The following PRPF8 variants were observed in gnomAD, a reference collection of about 807,000 sequenced individuals.
PRPF8 encodes the protein pre-mRNA-processing-splicing factor 8.
PRPF8 carries 64 observed loss-of-function variants against 285.9 expected under a neutral mutation model. The ratio of observed to expected loss-of-function variants is 0.22; its 90% CI spans 0.18 to 0.28. The LOEUF (loss-of-function observed/expected upper bound fraction) is 0.28, where lower values mean the gene tolerates loss of function less well. Ranked by LOEUF, PRPF8 falls within the 10% of genes least tolerant of loss-of-function variation. The probability of loss-of-function intolerance (pLI) is 1.00; values close to 1 mark genes in which losing one functional copy is unlikely to be tolerated. For missense variants in PRPF8, 1,426 were observed against 3,026.7 expected (o/e 0.47, Z 12.41); for synonymous variants, 1,325 against 1,118.2 (o/e 1.18, Z -3.69).
intron 24 of PRPF8, among the ~76,000 whole-genome samples, chr17:1,669,498 C>T (rs963059526): frequency 6.6e-6 from 1 of 152,200 alleles, no homozygotes; most frequent in Admixed American, 6.5e-5. Flanking sequence ...CCTGCACTGA[C>T]TTACAGCTCC....
In PRPF8 at chr17:1,678,975, G is replaced by A. The variant is rs201392497; in HGVS notation, c.1599+42C>T. On this transcript the variant is annotated intron_variant, in intron 11 of 42. Transcript: ENST00000304992. ...AGTAACCAGAGGAAAACAACTGTCC[G>A]TCCTTGAAGCCCAGGAGGCCCCTAG... 2.9e-4 allele frequency: 474 copies of A among 1,613,672 alleles called. 1 individual carries two copies. The highest frequency in any genetic ancestry group is 2.5e-3 in the East Asian group (112 of 44,894).
chr17:1,658,512 C>T lies in PRPF8; in HGVS notation c.5376+14G>A. 6.2e-7 allele frequency: 1 copy of T among 1,612,078 alleles called. No homozygotes were observed. Among genetic ancestry groups the T allele is most frequent in the Non-Finnish European group, 8.5e-7 (1 of 1,178,146 alleles). On this transcript the variant is annotated intron_variant, in intron 33 of 42. Coordinates refer to ENST00000304992, the MANE Select transcript of PRPF8 (RefSeq NM_006445.4). The surrounding 1 kb of genome is among the most constrained non-coding windows in gnomAD (Gnocchi z 4.1). ...TACAGAGTCCCGCACCTATACACTG[C>T]TGCTAACACTCACCTTGTGAATAGT... is the stretch of plus-strand genomic sequence containing the variant.
At position 1,683,773 on chromosome 17, in the gene PRPF8, A is replaced by G; in HGVS notation, c.101-72T>C. ...CCTCTTCACCTCTTGCCCTAGGGTA[A>G]GCTCCTGTCAGTGAGTGTGAGGGAG... On this transcript the variant is annotated intron_variant, in intron 2 of 42. Coordinates refer to ENST00000304992, the MANE Select transcript of PRPF8 (RefSeq NM_006445.4). The G allele has an allele frequency of 1.9e-6, 3 of 1,577,150 alleles. No homozygotes were observed. In the South Asian group the frequency reaches 3.4e-5, roughly 18 times the overall value.
chr17:1,664,233 A>G (rs139709463), intron 24 of PRPF8, among the ~76,000 whole-genome samples: 256 of 152,074 alleles, frequency 1.7e-3, no homozygotes, highest in African/African-American at 5.8e-3. Flanking sequence ...GGGTTTCGCT[A>G]TGTTGCCCAG....
In PRPF8 at chr17:1,676,413, C is replaced by T; in HGVS notation, c.2389-43G>A. ...AATTAGCCTCCCGCTACAGCCCGAT[C>T]CTGCCAGAACAAGGTTCAGTCACAA... is the stretch of plus-strand genomic sequence containing the variant. On this transcript the variant is annotated intron_variant, in intron 16 of 42. Coordinates refer to ENST00000304992, the MANE Select transcript of PRPF8 (RefSeq NM_006445.4). This position sits in a 1 kb window ranked among gnomAD's most constrained non-coding sequence, Gnocchi z 6.3. 6.2e-7 allele frequency: 1 copy of T among 1,614,104 alleles called. No homozygotes were observed. Among genetic ancestry groups the T allele is most frequent in the African/African-American group, 1.3e-5 (1 of 75,038 alleles).
intron 24 of PRPF8, among the ~76,000 whole-genome samples, chr17:1,668,430 C>T (rs1329118096): frequency 9.0e-5 from 13 of 145,222 alleles, no homozygotes; most frequent in African/African-American, 3.1e-4. Flanking sequence ...GTCGCGATCT[C>T]GGTTCACTGC....
At position 1,661,087 on chromosome 17, in the gene PRPF8, T is replaced by C; in HGVS notation, c.4414A>G (p.Thr1472Ala). 6.2e-7 allele frequency: 1 copy of C among 1,614,212 alleles called. No individual in the cohort carries two copies. Among genetic ancestry groups the C allele is most frequent in the South Asian group, 1.1e-5 (1 of 91,086 alleles). Residue 1472 changes from threonine to alanine, a missense_variant, in exon 28 of 43, where the codon ACA becomes GCA. Physicochemically the swap from Thr to Ala is moderately conservative, Grantham distance 58. Coordinates refer to ENST00000304992, the MANE Select transcript of PRPF8 (RefSeq NM_006445.4). The surrounding 1 kb of genome is among the most constrained non-coding windows in gnomAD (Gnocchi z 7.3). ...CCGCCCAGGGCCTGGATCATGTCTG[T>C]ACGGTAGTTGTTCAGGTTCCAGAGC... is the stretch of plus-strand genomic sequence containing the variant. ...GKLWNLNNYR[T>A]DMIQALGGVE...
intron 14 of PRPF8, 132 bp downstream of exon 14, chr17:1,677,433 T>C (rs1912663032): frequency 7.3e-7 from 1 of 1,364,700 alleles, no homozygotes; most frequent in Admixed American, 1.7e-5. Context: ...TAGGTCAGAC[T>C]CATTTCAGAA....
At chr17:1,655,627 A>T (rs1911330810) in intron 36 of PRPF8, 84 bp from the exon 37 acceptor site, 1 of 1,042,188 alleles carries the variant, frequency 9.6e-7, no homozygotes, top group South Asian at 1.5e-5. Flanking sequence ...AAACCCAAGA[A>T]TTTTTTTTTT....
chr17:1,659,433 T>C lies in PRPF8; in HGVS notation c.5062A>G (p.Thr1688Ala). 6.2e-7 allele frequency: 1 copy of C among 1,614,058 alleles called. No homozygotes were observed. The change falls in exon 32 of 43, where the codon ACC becomes GCC. Residue 1688 changes from threonine (T) to alanine (A), a missense_variant. This residue lies in a region of PRPF8 where 74 missense variants were observed against 161.8 expected (regional missense o/e 0.46). Coordinates refer to ENST00000304992, the MANE Select transcript of PRPF8 (RefSeq NM_006445.4). This position sits in a 1 kb window ranked among gnomAD's most constrained non-coding sequence, Gnocchi z 5.1. Reference sequence around the variant, plus strand: ...GGGTAGATACTCATGTTGTCGGTGGTGTAGTCCAGGAACTTGGCCCGGGCG... The same window carrying C: ...GGGTAGATACTCATGTTGTCGGTGGCGTAGTCCAGGAACTTGGCCCGGGCG... The part of the protein sequence containing the change: ...RYARAKFLDY[T>A]TDNMSIYPSP...
In PRPF8 at chr17:1,659,392, T is replaced by G. The variant is rs199501611; in HGVS notation, c.5103A>C (p.Val1701=). ...NMSIYPSPTG[V]LIAIDLAYNL... ...TATAGGCCAGGTCAATGGCGATGAG[T>G]ACACCTGTGGGCGAAGGGTAGATAC... The change falls in exon 32 of 43, where the codon GTA becomes GTC. Residue 1701 remains valine (V), a synonymous_variant. Coordinates refer to ENST00000304992, the MANE Select transcript of PRPF8 (RefSeq NM_006445.4). This position sits in a 1 kb window ranked among gnomAD's most constrained non-coding sequence, Gnocchi z 5.1. 2 of 1,613,932 alleles carry G rather than the reference T, an allele frequency of 1.2e-6. No homozygotes were observed. Among genetic ancestry groups the G allele is most frequent in the East Asian group, 2.2e-5 (1 of 44,870 alleles).
Position 1,653,460 on chromosome 17 carries a change from G to C in PRPF8, c.6369+82C>G. The C allele has an allele frequency of 6.4e-7, 1 of 1,570,160 alleles. No individual in the cohort carries two copies. The highest frequency in any genetic ancestry group is 8.8e-7 in the Non-Finnish European group (1 of 1,140,840). On this transcript the variant is annotated intron_variant, in intron 39 of 42. Coordinates refer to ENST00000304992, the MANE Select transcript of PRPF8 (RefSeq NM_006445.4). This position sits in a 1 kb window ranked among gnomAD's most constrained non-coding sequence, Gnocchi z 4.9. ...ATGAATCTTGAAACCAGCATCTCAA[G>C]TTCCAGACAATCTCAGGTCTGAGTT...
intron 24 of PRPF8, 183 bp downstream of exon 24, chr17:1,672,898 C>G (rs943524912): frequency 6.1e-6 from 4 of 655,312 alleles, no homozygotes; most frequent in Non-Finnish European, 1.1e-5. Context: ...CTACAAGGAA[C>G]GCTCAGAAAA....
rs1912808149 is a variant in PRPF8 at position 1,679,760 on chromosome 17, G to A, written c.1138C>T (p.Leu380Phe). 2 of 1,614,190 alleles carry A rather than the reference G, an allele frequency of 1.2e-6. No homozygotes were observed. The highest frequency in any genetic ancestry group is 8.5e-7 in the Non-Finnish European group (1 of 1,180,040). Reference sequence around the variant, plus strand: ...AGGAAGGGCTCCACAAACTCCGGGAGCTCAAATTCCTCATCATCATCCGGC... The same window carrying A: ...AGGAAGGGCTCCACAAACTCCGGGAACTCAAATTCCTCATCATCATCCGGC... ...PLPDDDEEFE[L>F]PEFVEPFLKD... The change falls in exon 9 of 43, where the codon CTC becomes TTC. Residue 380 changes from leucine to phenylalanine, a missense_variant. Around this residue, in one of 34 missense-constraint regions of PRPF8, gnomAD observed 137 missense variants for 161.2 expected, o/e 0.85. Transcript: ENST00000304992. This position sits in a 1 kb window ranked among gnomAD's most constrained non-coding sequence, Gnocchi z 4.7.
rs58454297 is a variant in PRPF8 at position 1,663,710 on chromosome 17, C to CAA, written c.3775-1559_3775-1558dup. Among the ~76,000 whole-genome samples the CAA allele has an allele frequency of 8.7e-3, 149 of 17,108 alleles. 26 individuals carry two copies. The highest frequency in any genetic ancestry group is 0.012 in the Non-Finnish European group (99 of 8,386). The allele number at this position is 17,108 out of a possible 152,430, so 11.2% of individuals were successfully genotyped here. A position where few individuals can be genotyped will look rare whatever the true frequency, so the allele number is the denominator to read the frequency against. On this transcript the variant is annotated intron_variant, in intron 24 of 42. Coordinates refer to ENST00000304992, the MANE Select transcript of PRPF8 (RefSeq NM_006445.4). ...GGCAACCAAGGAAGAGACTCCATCT[C>CAA]AAAAAAAAAAAAAAAAAAAAAAAAA...
rs779615845 is a variant in PRPF8, at chr17:1,680,853, G to A, written c.993-22C>T. ...GTACCTAAAATGAAAGGAAGAGTCA[G>A]CCAAAGTTTTCCCGCCCTGGCCCAA... is the stretch of plus-strand genomic sequence containing the variant. On this transcript the variant is annotated intron_variant, in intron 7 of 42. Transcript: ENST00000304992. 8.7e-6 allele frequency: 14 copies of A among 1,613,862 alleles called. No homozygotes were observed. The South Asian group carries it at 1.4e-4, about 16-fold the overall frequency.
intron 13 of PRPF8, 136 bp from the exon 14 acceptor site, chr17:1,677,830 G>GAA: frequency 4.5e-6 from 5 of 1,123,476 alleles, no homozygotes; most frequent in Non-Finnish European, 6.3e-6. Context: ...GGGGTAAAAA[G>GAA]AAAAAAAAAC....
At chr17:1,684,346 T>C (rs918310874) in intron 2 of PRPF8, 126 bp downstream of exon 2, 16 of 954,800 alleles carry the variant, frequency 1.7e-5, no homozygotes, top group Non-Finnish European at 2.5e-5. Flanking sequence ...GATGAAAAAT[T>C]AACTGGAAAT....
chr17:1,684,429 G>T lies in PRPF8; in HGVS notation c.100+43C>A, dbSNP rs374217761. On this transcript the variant is annotated intron_variant, in intron 2 of 42. Coordinates refer to ENST00000304992, the MANE Select transcript of PRPF8 (RefSeq NM_006445.4). ...CACCCGCCTGCGCGCGCGCACACCC[G>T]CCCCGCCTCCGGCCCGCGCGCCGCT... The T allele has an allele frequency of 5.9e-5, 94 of 1,606,092 alleles. No individual in the cohort carries two copies. The Middle Eastern group carries it at 8.3e-4, about 14-fold the overall frequency.
Sources: gnomAD v4.1 joint callset for allele counts (sites outside exome capture counted in the v4.1 genomes callset) on GRCh38, gnomAD v4.1.1 for gene constraint, gnomAD v4.1.1 regional missense constraint, Gnocchi (gnomAD v3.1) non-coding constraint, MANE v1.5 for transcripts, NCBI Gene and HGNC (gene_info 2026-07-23, HGNC 2026-07-21) for gene names.